ADNP2: variants seen among roughly 807,000 people sequenced by gnomAD.
ADNP2 encodes activity-dependent neuroprotector homeobox protein 2.
A neutral mutation model predicts 16.4 loss-of-function variants in ADNP2; 8 were observed. The ratio of observed to expected loss-of-function variants is 0.49; its 90% CI spans 0.29 to 0.88. The LOEUF (loss-of-function observed/expected upper bound fraction) is 0.88. ADNP2 is among the 40% of genes least tolerant of loss of function. ADNP2 has a pLI of 0.09. For synonymous variants in ADNP2, 637 were observed against 545.8 expected (o/e 1.17, Z -2.33); for missense variants, 1,397 against 1,395.1 (o/e 1.00, Z -0.02).
intron 2 of ADNP2, among the ~76,000 whole-genome samples, chr18:80,127,940 G>A (rs933120901): frequency 2.0e-5 from 3 of 152,234 alleles, no homozygotes; most frequent in Admixed American, 1.3e-4. Flanking sequence ...TCACACATGA[G>A]AGCCTCAGTG....
intron 2 of ADNP2, among the ~76,000 whole-genome samples, chr18:80,125,371 CG>C (rs2052451269): frequency 1.3e-5 from 2 of 151,918 alleles, no homozygotes; most frequent in South Asian, 4.2e-4. Flanking sequence ...AGGCCGGGGG[CG>C]GTGGCTCACG....
Position 80,139,674 on chromosome 18 carries a change from A to T in ADNP2, c.*865A>T. The T allele has an allele frequency of 6.6e-6, 1 of 152,552 alleles. No individual in the cohort carries two copies. Among genetic ancestry groups the T allele is most frequent in the East Asian group, 1.9e-4 (1 of 5,194 alleles). 9.4% of individuals were successfully genotyped at this position (152,552 alleles called of 1,614,324 possible). A position where few individuals can be genotyped will look rare whatever the true frequency, so the allele number is the denominator to read the frequency against. ...ACCCCAAAACTCTTCTCCTAACTTA[A>T]CTACTCATAAACTAGTGAAAGGGAA... On this transcript the variant is annotated 3_prime_UTR_variant, in exon 4 of 4. Coordinates refer to ENST00000262198, the MANE Select transcript of ADNP2 (RefSeq NM_014913.4).
In ADNP2 at chr18:80,117,631, G is replaced by A. The variant is rs766615425; in HGVS notation, c.89G>A (p.Ser30Asn). 2.0e-5 allele frequency: 32 copies of A among 1,605,256 alleles called. No individual in the cohort carries two copies. Among genetic ancestry groups the A allele is most frequent in the Non-Finnish European group, 2.6e-5 (31 of 1,177,100 alleles). Residue 30 changes from serine (S) to asparagine (N), a missense_variant, in exon 2 of 4, where the codon AGC becomes AAC. Around this residue, in one of 3 missense-constraint regions of ADNP2, gnomAD observed 777 missense variants for 719.4 expected, o/e 1.08. Transcript: ENST00000262198. ...KGILVDIGLD[S>N]CKELLKDLKG... is the part of the protein sequence containing the mutation. ...ATTCTTGTGGATATTGGGCTTGACA[G>A]CTGCAAGGAGTTACTGAAGGTAAGA...
rs199728633 is a variant in ADNP2 at position 80,136,006 on chromosome 18, C to T, written c.593C>T (p.Pro198Leu). 1.7e-4 allele frequency: 280 copies of T among 1,614,038 alleles called. No homozygotes were observed. The highest frequency in any genetic ancestry group is 3.3e-4 in the Middle Eastern group (2 of 6,084). The stretch of plus-strand genomic sequence containing the variant: ...AGAACTGAGGAAATGGGTGAGCAAC[C>T]GAAAACTAACGATACTGTTTCTATA... ...GLRTEEMGEQPKTNDTVSIEK... is the reference protein window; with the variant it reads ...GLRTEEMGEQLKTNDTVSIEK... Residue 198 changes from proline to leucine, a missense_variant, in exon 4 of 4, where the codon CCG becomes CTG. Pro to Leu is a moderately conservative substitution (Grantham distance 98, BLOSUM62 -3). Coordinates refer to ENST00000262198, the MANE Select transcript of ADNP2 (RefSeq NM_014913.4).
chr18:80,138,724 A>G lies in ADNP2; in HGVS notation c.3311A>G (p.Asn1104Ser), dbSNP rs775838562. 5 of 1,609,030 alleles carry G rather than the reference A, an allele frequency of 3.1e-6. No homozygotes were observed. The South Asian group carries it at 5.6e-5, about 18-fold the overall frequency. The change falls in exon 4 of 4, where the codon AAT becomes AGT. Residue 1104 changes from asparagine to serine, a missense_variant. Around this residue, in one of 3 missense-constraint regions of ADNP2, gnomAD observed 611 missense variants for 648.7 expected, o/e 0.94. Transcript: ENST00000262198. ...TATATTTGCATGAAAGCAATAAAAA[A>G]TCACAAGCCTTCTGTACTTTTAGGC... is the stretch of plus-strand genomic sequence containing the variant. The part of the protein sequence containing the change: ...RRYICMKAIK[N>S]HKPSVLLGFD...
chr18:80,137,079 G>A lies in ADNP2; in HGVS notation c.1666G>A (p.Val556Met), dbSNP rs767691893. The part of the protein sequence containing the change: ...SQPVVSGVLP[V>M]GQPVRPGVLQ... ...GCCTGTTGTGTCGGGAGTTCTTCCTGTGGGCCAGCCAGTGAGGCCTGGGGT... is the reference window on the plus strand; with the variant it reads ...GCCTGTTGTGTCGGGAGTTCTTCCTATGGGCCAGCCAGTGAGGCCTGGGGT... The change falls in exon 4 of 4, where the codon GTG (valine) becomes ATG (methionine). Residue 556 changes from valine to methionine, a missense_variant. Val to Met is a conservative substitution (Grantham distance 21). Coordinates refer to ENST00000262198, the MANE Select transcript of ADNP2 (RefSeq NM_014913.4). This position sits in a 1 kb window ranked among gnomAD's most constrained non-coding sequence, Gnocchi z 4.2. The A allele has an allele frequency of 3.7e-5, 59 of 1,614,036 alleles. No homozygotes were observed. Among genetic ancestry groups the A allele is most frequent in the Non-Finnish European group, 4.4e-5 (52 of 1,180,024 alleles).
At chr18:80,127,152 T>A (rs1175108846) in intron 2 of ADNP2, among the ~76,000 whole-genome samples, 1 of 152,116 alleles carries the variant, frequency 6.6e-6, no homozygotes, top group Non-Finnish European at 1.5e-5. Context: ...AATTTATAAG[T>A]TGTATTTTAT....
Position 80,136,242 on chromosome 18 carries a change from C to A in ADNP2, c.829C>A (p.Pro277Thr). The A allele has an allele frequency of 6.2e-7, 1 of 1,614,230 alleles. No homozygotes were observed. Among genetic ancestry groups the A allele is most frequent in the Non-Finnish European group, 8.5e-7 (1 of 1,180,032 alleles). ...AAAACCAGCAGCACATTTGGCTGCA[C>A]CAGCAAATGGCAGTGCTCCAAGCGC... ...APKPAAHLAA[P>T]ANGSAPSAPA... The change falls in exon 4 of 4, where the codon CCA (proline) becomes ACA (threonine). Residue 277 changes from proline (P) to threonine (T), a missense_variant. Physicochemically the swap from Pro to Thr is conservative, Grantham distance 38 (BLOSUM62 -1). This residue lies in a region of ADNP2 where 777 missense variants were observed against 719.4 expected (regional missense o/e 1.08). Coordinates refer to ENST00000262198, the MANE Select transcript of ADNP2 (RefSeq NM_014913.4).
rs149187381 is a variant in ADNP2 at position 80,137,330 on chromosome 18, G to A, written c.1917G>A (p.Met639Ile). 2 of 1,613,842 alleles carry A rather than the reference G, an allele frequency of 1.2e-6. No homozygotes were observed. Among genetic ancestry groups the A allele is most frequent in the African/African-American group, 2.7e-5 (2 of 74,940 alleles). ...GGLATVAPPQ[M>I]PIQLLPSGAA... ...TTGCGACTGTCGCTCCGCCCCAGAT[G>A]CCCATCCAGCTCCTGCCGTCAGGTG... The change falls in exon 4 of 4, where the codon ATG becomes ATA. Residue 639 changes from methionine to isoleucine, a missense_variant. This residue lies in a region of ADNP2 where 611 missense variants were observed against 648.7 expected (regional missense o/e 0.94). Coordinates refer to ENST00000262198, the MANE Select transcript of ADNP2 (RefSeq NM_014913.4). This position sits in a 1 kb window ranked among gnomAD's most constrained non-coding sequence, Gnocchi z 4.2.
chr18:80,138,681 T>G lies in ADNP2; in HGVS notation c.3268T>G (p.Phe1090Val). 3.1e-6 allele frequency: 5 copies of G among 1,612,440 alleles called. No homozygotes were observed. The highest frequency in any genetic ancestry group is 4.2e-6 in the Non-Finnish European group (5 of 1,179,694). Residue 1090 changes from phenylalanine to valine, a missense_variant, in exon 4 of 4, where the codon TTT (phenylalanine) becomes GTT (valine). This residue lies in a region of ADNP2 where 611 missense variants were observed against 648.7 expected (regional missense o/e 0.94). Coordinates refer to ENST00000262198, the MANE Select transcript of ADNP2 (RefSeq NM_014913.4). ...FWVWKIDVAS[F>V]FGKRRYICMK... ...GGTGTGGAAAATTGATGTGGCTTCA[T>G]TTTTTGGAAAAAGAAGGTATATTTG...
At chr18:80,128,123 C>G (rs1202763670) in intron 2 of ADNP2, among the ~76,000 whole-genome samples, 1 of 152,188 alleles carries the variant, frequency 6.6e-6, no homozygotes, top group African/African-American at 2.4e-5. Context: ...TTAATTCCAG[C>G]CTTCTTTATT....
At chr18:80,116,667 C>T (rs548310138) in intron 1 of ADNP2, among the ~76,000 whole-genome samples, 1 of 152,082 alleles carries the variant, frequency 6.6e-6, no homozygotes, top group African/African-American at 2.4e-5. Context: ...GATAGGGTCT[C>T]ACTCTGTTGC....
chr18:80,140,291 T>A lies in ADNP2; in HGVS notation c.*1482T>A, dbSNP rs1163513463. On this transcript the variant is annotated 3_prime_UTR_variant, in exon 4 of 4. Transcript: ENST00000262198. ...GAGCTTGTTGAACATTTTTTTTTTT[T>A]ACCTATTGTTTTCAGAGTGTCTATT... is the stretch of plus-strand genomic sequence containing the variant. 2 of 152,534 alleles carry A rather than the reference T, an allele frequency of 1.3e-5. No homozygotes were observed. Among genetic ancestry groups the A allele is most frequent in the African/African-American group, 4.8e-5 (2 of 41,442 alleles). 9.4% of individuals were successfully genotyped at this position (152,534 alleles called of 1,614,324 possible). A position where few individuals can be genotyped will look rare whatever the true frequency, so the allele number is the denominator to read the frequency against.
At chr18:80,123,128 T>C (rs886736177) in intron 2 of ADNP2, among the ~76,000 whole-genome samples, 7 of 152,194 alleles carry the variant, frequency 4.6e-5, no homozygotes, top group African/African-American at 1.7e-4. Context: ...CATTGATATA[T>C]TTTCTTATGT....
At chr18:80,117,395 G>A (rs2052396150) in intron 1 of ADNP2, 135 bp from the exon 2 acceptor site, 1 of 501,754 alleles carries the variant, frequency 2.0e-6, no homozygotes. Flanking sequence ...ATTTGCATAT[G>A]AATGTTCACT....
chr18:80,126,044 G>A (rs1278234091), intron 2 of ADNP2, among the ~76,000 whole-genome samples: 2 of 151,726 alleles, frequency 1.3e-5, no homozygotes, highest in South Asian at 2.1e-4. Context: ...CTCCCATCTC[G>A]GTGTTTGTTT....
chr18:80,129,089 C>T (rs1178008736), intron 2 of ADNP2, among the ~76,000 whole-genome samples: 1 of 148,602 alleles, frequency 6.7e-6, no homozygotes, highest in South Asian at 2.1e-4. Context: ...TCAGTTTTAC[C>T]CAGAACTTTT....
chr18:80,127,102 T>G (rs2052464152), intron 2 of ADNP2, among the ~76,000 whole-genome samples: 1 of 152,220 alleles, frequency 6.6e-6, no homozygotes, highest in Non-Finnish European at 1.5e-5. Flanking sequence ...TTTATTATTG[T>G]TGTTAATATC....
In ADNP2 at chr18:80,137,285, G is replaced by C. The variant is rs772357620; in HGVS notation, c.1872G>C (p.Leu624=). 6.2e-7 allele frequency: 1 copy of C among 1,613,942 alleles called. No individual in the cohort carries two copies. Among genetic ancestry groups the C allele is most frequent in the Non-Finnish European group, 8.5e-7 (1 of 1,179,930 alleles). ...CGCTGGCCCCCGTGTCTGTCACTCT[G>C]CCGGTTCCCCCTGGAGGCCTTGCGA... ...TYTLAPVSVT[L]PVPPGGLATV... The change falls in exon 4 of 4, where the codon CTG becomes CTC. Residue 624 remains leucine, a synonymous_variant. Transcript: ENST00000262198. The surrounding 1 kb of genome is among the most constrained non-coding windows in gnomAD (Gnocchi z 4.2).
Sources: gnomAD v4.1 joint callset for allele counts (sites outside exome capture counted in the v4.1 genomes callset) on GRCh38, gnomAD v4.1.1 for gene constraint, gnomAD v4.1.1 regional missense constraint, Gnocchi (gnomAD v3.1) non-coding constraint, MANE v1.5 for transcripts, NCBI Gene and HGNC (gene_info 2026-07-23, HGNC 2026-07-21) for gene names.